The following COLQ variants were observed in gnomAD, a reference collection of about 807,000 sequenced individuals.
COLQ encodes acetylcholinesterase collagenic tail peptide.
COLQ carries 48 observed loss-of-function variants against 69.0 expected under a neutral mutation model. That is an observed-to-expected ratio of 0.70 (90% CI 0.55 to 0.88). COLQ has a LOEUF of 0.88. Ranked by LOEUF, COLQ falls within the 40% of genes least tolerant of loss-of-function variation. The pLI is 0.00. For synonymous variants in COLQ, 217 were observed against 211.2 expected, an observed-to-expected ratio of 1.03 and a Z score of -0.24; for missense variants, 618 against 594.6, an observed-to-expected ratio of 1.04 and a Z score of -0.41.
chr3:15,501,861 G>T (rs2125163948), intron 1 of COLQ, among the ~76,000 whole-genome samples: 1 of 152,224 alleles, frequency 6.6e-6, no homozygotes, highest in South Asian at 2.1e-4. Flanking sequence ...CCTGCTTCTT[G>T]GCTATAATTC....
At chr3:15,475,512 AC>A (rs2125117161) in intron 6 of COLQ, 25 bp from the exon 7 acceptor site, 2 of 1,568,490 alleles carry the variant, frequency 1.3e-6, no homozygotes, top group Non-Finnish European at 8.7e-7. Context: ...AGAAGAAAAG[AC>A]CCACGGTGAT....
intron 1 of COLQ, among the ~76,000 whole-genome samples, chr3:15,499,618 A>AGC (rs2062804438): frequency 6.6e-6 from 1 of 152,226 alleles, no homozygotes; most frequent in African/African-American, 2.4e-5. Context: ...CTGCACTATA[A>AGC]CCTTCAAAAG....
rs2062628048 is a variant in COLQ at position 15,489,549 on chromosome 3, T to C, written c.195A>G (p.Pro65=). 1 of 1,614,166 alleles carries C rather than the reference T, an allele frequency of 6.2e-7. No homozygotes were observed. The highest frequency in any genetic ancestry group is 1.3e-5 in the African/African-American group (1 of 75,026). Residue 65 remains proline, a synonymous_variant, in exon 2 of 17, where the codon CCA becomes CCG. Coordinates refer to ENST00000383788, the MANE Select transcript of COLQ (RefSeq NM_005677.4). ...CCGGACTTCGGCCACCTCTGAAGAATGGTGGTGGGAACAGTGGTGGTGGAG... is the reference window on the plus strand; with the variant it reads ...CCGGACTTCGGCCACCTCTGAAGAACGGTGGTGGGAACAGTGGTGGTGGAG... ...TPPPPPLFPP[P]FFRGGRSPLL...
chr3:15,506,351 T>A (rs2062910647), intron 1 of COLQ, among the ~76,000 whole-genome samples: 1 of 152,204 alleles, frequency 6.6e-6, no homozygotes, highest in African/African-American at 2.4e-5. Context: ...TTGTTTAGAA[T>A]AGGTATTACA....
At position 15,500,843 on chromosome 3, in the gene COLQ, G is replaced by A. The variant is rs531331457; in HGVS notation, c.107-11206C>T. Among the ~76,000 whole-genome samples, 11 of 152,286 alleles carry A rather than the reference G, an allele frequency of 7.2e-5. No homozygotes were observed. The East Asian group carries it at 2.1e-3, about 29-fold the overall frequency. On this transcript the variant is annotated intron_variant, in intron 1 of 16. Transcript: ENST00000383788. ...GCTCTCCAGCCAAGTGTGCCAGCCT[G>A]GGATTAAGAGCCCTGGTCTTTAGCC...
chr3:15,470,388 G>A, intron 11 of COLQ, 148 bp downstream of exon 11: 1 of 753,756 alleles, frequency 1.3e-6, no homozygotes, highest in Non-Finnish European at 2.4e-6. Flanking sequence ...GCTTCTGGAA[G>A]TGGTGCTGCT....
intron 10 of COLQ, among the ~76,000 whole-genome samples, chr3:15,472,870 T>C (rs1159635891): frequency 6.6e-6 from 1 of 152,144 alleles, no homozygotes; most frequent in African/African-American, 2.4e-5. Context: ...TTTCTTTTCT[T>C]TTTTTTCAGA....
chr3:15,504,774 C>T (rs960313646), intron 1 of COLQ, among the ~76,000 whole-genome samples: 1 of 152,258 alleles, frequency 6.6e-6, no homozygotes, highest in Non-Finnish European at 1.5e-5. Flanking sequence ...GCAGGAGAGT[C>T]GTTTGAACCC....
chr3:15,475,187 G>T (rs1206363080), intron 7 of COLQ: 3 of 651,730 alleles, frequency 4.6e-6, no homozygotes, highest in African/African-American at 3.6e-5. Flanking sequence ...GTTTCCATCT[G>T]CTCTGATGTC....
Position 15,474,019 on chromosome 3 carries a change from G to A in COLQ, c.617C>T (p.Pro206Leu). 3 of 1,614,076 alleles carry A rather than the reference G, an allele frequency of 1.9e-6. No individual in the cohort carries two copies. The highest frequency in any genetic ancestry group is 1.1e-5 in the South Asian group (1 of 91,074). Residue 206 changes from proline (P) to leucine (L), a missense_variant, in exon 10 of 17, where the codon CCT (proline) becomes CTT (leucine). Transcript: ENST00000383788. The part of the protein sequence containing the change: ...PKGEKGFPGF[P>L]GMLGQKGEMG... ...ACTTACTTTCTGCCCCAACATTCCAGGAAATCCTGGGAAACCCTGTGAAAA... is the reference window on the plus strand; with the variant it reads ...ACTTACTTTCTGCCCCAACATTCCAAGAAATCCTGGGAAACCCTGTGAAAA...
At chr3:15,472,792 T>C (rs567891652) in intron 10 of COLQ, among the ~76,000 whole-genome samples, 46 of 152,196 alleles carry the variant, frequency 3.0e-4, no homozygotes, top group Non-Finnish European at 5.7e-4. Flanking sequence ...TATACCACTG[T>C]TTTGCTATTT....
chr3:15,489,080 G>A (rs778429141), intron 2 of COLQ, among the ~76,000 whole-genome samples: 13 of 152,204 alleles, frequency 8.5e-5, no homozygotes, highest in South Asian at 2.1e-4. Context: ...ACACCTCAGT[G>A]TGGCTACGGG....
intron 12 of COLQ, among the ~76,000 whole-genome samples, chr3:15,465,515 C>T (rs756595207): frequency 6.6e-6 from 1 of 151,424 alleles, no homozygotes; most frequent in Non-Finnish European, 1.5e-5. Context: ...ATCTGCCCAC[C>T]TCGGCCTCCC....
At chr3:15,499,021 C>CG in intron 1 of COLQ, 2 of 984,032 alleles carry the variant, frequency 2.0e-6, no homozygotes, top group Middle Eastern at 5.0e-4. Flanking sequence ...TCAAAGTCAA[C>CG]CCCCCACCGA....
intron 1 of COLQ, among the ~76,000 whole-genome samples, chr3:15,503,217 T>C (rs1051354130): frequency 2.0e-5 from 3 of 152,140 alleles, no homozygotes; most frequent in Non-Finnish European, 4.4e-5. Context: ...GCCACTGACT[T>C]CCCATCAGAG....
Position 15,453,823 on chromosome 3 carries a change from C to A in COLQ, c.1298+6G>T, listed in dbSNP as rs1459765788. On this transcript the variant is annotated splice_donor_region_variant and intron_variant, in intron 16 of 16. Transcript: ENST00000383788. ...GGGGAGAGGGAGGGAGGGGAGTCAT[C>A]CCTACCCAGGGAGATAGGTCTCGCA... The A allele has an allele frequency of 2.5e-6, 4 of 1,587,154 alleles. 1 individual carries two copies. The South Asian group carries it at 4.5e-5, about 18-fold the overall frequency.
chr3:15,471,507 C>T (rs2062287021), intron 10 of COLQ, among the ~76,000 whole-genome samples: 1 of 152,232 alleles, frequency 6.6e-6, no homozygotes, highest in African/African-American at 2.4e-5. Flanking sequence ...CAGTAATCCC[C>T]CAACAGCCCA....
chr3:15,452,210 G>T (rs1218333923), intron 16 of COLQ, among the ~76,000 whole-genome samples: 1 of 151,930 alleles, frequency 6.6e-6, no homozygotes, highest in East Asian at 1.9e-4. Context: ...GGGATTACAG[G>T]CACGTGCCAC....
chr3:15,483,726 G>C (rs977011497), intron 3 of COLQ, among the ~76,000 whole-genome samples: 1 of 152,190 alleles, frequency 6.6e-6, no homozygotes, highest in African/African-American at 2.4e-5. Flanking sequence ...ATGTCTGTTA[G>C]GTCTGCTTGG....
Sources: gnomAD v4.1 joint callset for allele counts (sites outside exome capture counted in the v4.1 genomes callset) on GRCh38, gnomAD v4.1.1 for gene constraint, MANE v1.5 for transcripts, NCBI Gene and HGNC (gene_info 2026-07-23, HGNC 2026-07-21) for gene names.